Variants in CRK observed in about 807,000 individuals in gnomAD.
The protein encoded by CRK is adapter molecule crk.
Under a neutral mutation model 29.8 loss-of-function variants are expected in CRK, and 4 were observed. That is an observed-to-expected ratio of 0.13 (90% CI 0.07 to 0.31). CRK has a LOEUF of 0.31. Ranked by LOEUF, CRK falls within the 10% of genes least tolerant of loss-of-function variation. The pLI, the probability that CRK is intolerant of heterozygous loss-of-function variation, is 1.00. For synonymous variants in CRK, 153 were observed against 164.9 expected (o/e 0.93, Z 0.55); for missense variants, 274 against 396.5 (o/e 0.69, Z 2.62).
intron 2 of CRK, among the ~76,000 whole-genome samples, chr17:1,425,396 T>G (rs2073769279): frequency 6.6e-6 from 1 of 151,946 alleles, no homozygotes; most frequent in African/African-American, 2.4e-5. Flanking sequence ...CTGGCCATCT[T>G]TTTATCTTTT....
Position 1,423,509 on chromosome 17 carries a change from AT to A in CRK, c.*3del. ...CATCTGTCAGCAAAACTGTTGAACT[AT>A]ACTCAGCTGAAGTCCTCATCGGGAT... On this transcript the variant is annotated 3_prime_UTR_variant, in exon 3 of 3. Transcript: ENST00000300574. The A allele has an allele frequency of 6.2e-7, 1 of 1,613,022 alleles. No homozygotes were observed. The highest frequency in any genetic ancestry group is 1.1e-5 in the South Asian group (1 of 90,876).
chr17:1,443,324 C>A (rs547533040), intron 1 of CRK, among the ~76,000 whole-genome samples: 1 of 152,202 alleles, frequency 6.6e-6, no homozygotes, highest in South Asian at 2.1e-4. Context: ...ACAGTCTCAG[C>A]CTCCCAAATA....
intron 2 of CRK, among the ~76,000 whole-genome samples, chr17:1,430,873 C>T (rs1243700003): frequency 6.6e-6 from 1 of 151,234 alleles, no homozygotes; most frequent in Non-Finnish European, 1.5e-5. Context: ...CGAGACCATC[C>T]TGGCTAACAC....
At chr17:1,423,800 C>G (rs751196279) in intron 2 of CRK, 150 bp from the exon 3 acceptor site, 9 of 887,104 alleles carry the variant, frequency 1.0e-5, no homozygotes, top group Non-Finnish European at 1.5e-5. Context: ...CCCCAGCCAC[C>G]AGACTGATTA....
At chr17:1,427,072 AGATTCTGACATGCCCCAGCCAGGCTAGGC>A (rs2073787084) in intron 2 of CRK, among the ~76,000 whole-genome samples, 35 of 92,062 alleles carry the variant, frequency 3.8e-4, no homozygotes, top group East Asian at 3.0e-3. Flanking sequence ...AAAAAAAAAA[AGATTCTGACATGCCCCAGCCAGGCTAGGC>A]AACAATAGCA....
chr17:1,442,712 ATTC>A (rs1047593170), intron 1 of CRK, among the ~76,000 whole-genome samples: 4 of 147,618 alleles, frequency 2.7e-5, no homozygotes, highest in African/African-American at 1.0e-4. Context: ...TGTTCAAGCA[ATTC>A]TTCTGCCTCA....
At position 1,421,892 on chromosome 17, in the gene CRK, T is replaced by C. The variant is rs946966477; in HGVS notation, c.*1621A>G. On this transcript the variant is annotated 3_prime_UTR_variant, in exon 3 of 3. Transcript: ENST00000300574. Reference sequence around the variant, plus strand: ...CACACCAGAGACCGGTAAGTGCCTTTATAGACTGAGAACTAACGTGGAAGT... The same window carrying C: ...CACACCAGAGACCGGTAAGTGCCTTCATAGACTGAGAACTAACGTGGAAGT... 1 of 152,188 alleles carries C rather than the reference T, an allele frequency of 6.6e-6. No individual in the cohort carries two copies. The highest frequency in any genetic ancestry group is 2.4e-5 in the African/African-American group (1 of 41,456). 9.4% of individuals were successfully genotyped at this position (152,188 alleles called of 1,614,324 possible). A position where few individuals can be genotyped will look rare whatever the true frequency, so the allele number is the denominator to read the frequency against.
intron 1 of CRK, among the ~76,000 whole-genome samples, chr17:1,441,137 A>G (rs1472352363): frequency 6.6e-6 from 1 of 151,922 alleles, no homozygotes; most frequent in Non-Finnish European, 1.5e-5. Context: ...CATGTTGCCC[A>G]AGCCAGTCTC....
chr17:1,424,734 G>A (rs1348124315), intron 2 of CRK: 1 of 152,278 alleles, frequency 6.6e-6, no homozygotes, highest in African/African-American at 2.4e-5. Context: ...CCATGGCCGG[G>A]CGCAGTGGCT....
intron 2 of CRK, among the ~76,000 whole-genome samples, chr17:1,426,784 C>T (rs1456610613): frequency 6.6e-6 from 1 of 151,970 alleles, no homozygotes; most frequent in Non-Finnish European, 1.5e-5. Context: ...ACTGCTTGAA[C>T]CTGGGAAGAG....
intron 2 of CRK, among the ~76,000 whole-genome samples, chr17:1,425,502 C>T (rs2073770049): frequency 6.6e-6 from 1 of 152,160 alleles, no homozygotes; most frequent in African/African-American, 2.4e-5. Flanking sequence ...TCATGGGATC[C>T]TCCAACCTTA....
intron 2 of CRK, among the ~76,000 whole-genome samples, chr17:1,429,446 G>T (rs1386539138): frequency 2.6e-5 from 4 of 151,884 alleles, no homozygotes; most frequent in African/African-American, 9.7e-5. Context: ...GTTAATTTTT[G>T]TATTTTTAGT....
chr17:1,455,930 T>C lies in CRK; in HGVS notation c.188A>G (p.Asn63Ser). ...CACCGGCGGGCGCGGGCCGCTGCTG[T>C]TGATGATGTAGTGGGAGACGCGCGA... ...ENSRVSHYII[N>S]SSGPRPPVPP... is the part of the protein sequence containing the mutation. Residue 63 changes from asparagine to serine, a missense_variant, in exon 1 of 3, where the codon AAC (asparagine) becomes AGC (serine). Coordinates refer to ENST00000300574, the MANE Select transcript of CRK (RefSeq NM_016823.4). 5.6e-6 allele frequency: 9 copies of C among 1,594,218 alleles called. No individual in the cohort carries two copies. Among genetic ancestry groups the C allele is most frequent in the Non-Finnish European group, 7.7e-6 (9 of 1,172,560 alleles).
In CRK at chr17:1,423,660, G is replaced by C. The variant is rs776111511; in HGVS notation, c.778-10C>G. ...TTACCAGCTCACCGACCTGCAGGAG[G>C]AGAATAAGGAGAGCACTTTATTTCC... is the stretch of plus-strand genomic sequence containing the variant. On this transcript the variant is annotated splice_polypyrimidine_tract_variant and intron_variant, in intron 2 of 2. Coordinates refer to ENST00000300574, the MANE Select transcript of CRK (RefSeq NM_016823.4). The C allele has an allele frequency of 6.2e-7, 1 of 1,613,308 alleles. No homozygotes were observed. The highest frequency in any genetic ancestry group is 1.3e-5 in the African/African-American group (1 of 74,984).
At chr17:1,448,335 T>G (rs2073990709) in intron 1 of CRK, among the ~76,000 whole-genome samples, 3 of 151,890 alleles carry the variant, frequency 2.0e-5, no homozygotes, top group Admixed American at 2.0e-4. Flanking sequence ...GTTCCTAAAG[T>G]GGCTAGAGGC....
chr17:1,442,296 A>C (rs1006951627), intron 1 of CRK, among the ~76,000 whole-genome samples: 2 of 151,602 alleles, frequency 1.3e-5, no homozygotes, highest in Non-Finnish European at 2.9e-5. Flanking sequence ...CTGGGACTAT[A>C]GGCGCACACC....
At chr17:1,449,996 C>T (rs945193442) in intron 1 of CRK, among the ~76,000 whole-genome samples, 1 of 152,104 alleles carries the variant, frequency 6.6e-6, no homozygotes, top group Admixed American at 6.6e-5. Context: ...GTCAGGAGAT[C>T]GAGACCAGCC....
In CRK at chr17:1,422,739, T is replaced by C; in HGVS notation, c.*774A>G. 1 of 390,220 alleles carries C rather than the reference T, an allele frequency of 2.6e-6. No homozygotes were observed. Among genetic ancestry groups the C allele is most frequent in the East Asian group, 3.6e-5 (1 of 27,440 alleles). 24.2% of individuals were successfully genotyped at this position (390,220 alleles called of 1,614,324 possible). Reference sequence around the variant, plus strand: ...GAAGGGTGACCTACTACGACCCTTTTGGGGAAGGCAGAGAGCTGGGAGACT... The same window carrying C: ...GAAGGGTGACCTACTACGACCCTTTCGGGGAAGGCAGAGAGCTGGGAGACT... On this transcript the variant is annotated 3_prime_UTR_variant, in exon 3 of 3. Transcript: ENST00000300574.
chr17:1,436,592 T>C lies in CRK; in HGVS notation c.777+28A>G, dbSNP rs376082680. 5.1e-4 allele frequency: 799 copies of C among 1,567,664 alleles called. 2 individuals carry two copies. Among genetic ancestry groups the C allele is most frequent in the Non-Finnish European group, 6.3e-4 (737 of 1,162,116 alleles). ...GAGAGGAGACCCTGCAGCAGATCTC[T>C]TCTTTCTACATTGTGCACGTTATGT... On this transcript the variant is annotated intron_variant, in intron 2 of 2. Transcript: ENST00000300574.
Sources: gnomAD v4.1 joint callset for allele counts (sites outside exome capture counted in the v4.1 genomes callset) on GRCh38, gnomAD v4.1.1 for gene constraint, MANE v1.5 for transcripts, NCBI Gene and HGNC (gene_info 2026-07-23, HGNC 2026-07-21) for gene names.